The following FMNL2 variants were observed in gnomAD, a reference collection of about 807,000 sequenced individuals.
FMNL2 encodes formin-like protein 2.
In FMNL2, 51 loss-of-function variants were observed where a neutral mutation model predicts 130.2. The ratio of observed to expected loss-of-function variants is 0.39; its 90% CI spans 0.31 to 0.49. The LOEUF is 0.49. Ranked by LOEUF, FMNL2 falls within the 20% of genes least tolerant of loss-of-function variation. The pLI, the probability that FMNL2 is intolerant of heterozygous loss-of-function variation, is 0.85. For missense variants in FMNL2, 977 were observed against 1,316.2 expected, an observed-to-expected ratio of 0.74 and a Z score of 3.99; for synonymous variants, 465 against 467.1, an observed-to-expected ratio of 1.00 and a Z score of 0.06.
intron 1 of FMNL2, among the ~76,000 whole-genome samples, chr2:152,347,265 T>TG (rs111352110): frequency 0.017 from 2,651 of 152,222 alleles, 71 homozygotes; most frequent in African/African-American, 0.061. Context: ...ACACTTCATG[T>TG]GGAAGAGAGT....
chr2:152,365,338 T>C (rs967619430), intron 1 of FMNL2, among the ~76,000 whole-genome samples: 1 of 152,162 alleles, frequency 6.6e-6, no homozygotes, highest in African/African-American at 2.4e-5. Context: ...TTTGAAAGAC[T>C]GCATATAGTT....
At chr2:152,338,486 C>A (rs897601063) in intron 1 of FMNL2, among the ~76,000 whole-genome samples, 3 of 151,922 alleles carry the variant, frequency 2.0e-5, no homozygotes, top group Non-Finnish European at 4.4e-5. Flanking sequence ...ATGACTATAC[C>A]CTCCCTCCCC....
chr2:152,341,330 G>GT (rs1351696255), intron 1 of FMNL2, among the ~76,000 whole-genome samples: 1 of 152,146 alleles, frequency 6.6e-6, no homozygotes, highest in Admixed American at 6.6e-5. Flanking sequence ...AATAATACCA[G>GT]TAAAAACTGT....
chr2:152,359,560 G>A (rs1207553954), intron 1 of FMNL2, among the ~76,000 whole-genome samples: 1 of 151,166 alleles, frequency 6.6e-6, no homozygotes, highest in African/African-American at 2.4e-5. Context: ...TAAGTGTGGA[G>A]TTGATTTTTT....
chr2:152,625,283 G>A (rs2105916380), intron 15 of FMNL2, 155 bp from the exon 16 acceptor site: 1 of 776,710 alleles, frequency 1.3e-6, no homozygotes, highest in East Asian at 2.7e-5. Context: ...CCAAGGCCAT[G>A]TGTGTTGTTT....
rs1483012555 is a variant in FMNL2, at chr2:152,621,828, G to A, written c.1837+2110G>A. Reference sequence around the variant, plus strand: ...CCAAGAGGCCAGACAGAATCAGGATGCCCAGTAGAATGAAGAGACAGAGCT... The same window carrying A: ...CCAAGAGGCCAGACAGAATCAGGATACCCAGTAGAATGAAGAGACAGAGCT... On this transcript the variant is annotated intron_variant, in intron 15 of 25. Transcript: ENST00000288670. Among the ~76,000 whole-genome samples, 4 of 152,170 alleles carry A rather than the reference G, an allele frequency of 2.6e-5. No individual in the cohort carries two copies. The East Asian group carries it at 5.8e-4, about 22-fold the overall frequency.
intron 1 of FMNL2, among the ~76,000 whole-genome samples, chr2:152,469,946 A>G (rs1278090730): frequency 6.6e-6 from 1 of 152,180 alleles, no homozygotes; most frequent in Non-Finnish European, 1.5e-5. Flanking sequence ...GAAATAGTAC[A>G]TGAAACTGAA....
intron 25 of FMNL2, chr2:152,643,334 A>G: frequency 6.6e-7 from 1 of 1,518,426 alleles, no homozygotes; most frequent in East Asian, 2.5e-5. Flanking sequence ...TATGATTAAC[A>G]ATGCACTAAC....
intron 1 of FMNL2, among the ~76,000 whole-genome samples, chr2:152,497,440 A>G (rs1691575953): frequency 6.6e-6 from 1 of 152,164 alleles, no homozygotes; most frequent in Non-Finnish European, 1.5e-5. Flanking sequence ...TTTGATTAAA[A>G]TCATGTTGGT....
In FMNL2 at chr2:152,596,529, C is replaced by T. The variant is rs190091160; in HGVS notation, c.877-10810C>T. Among the ~76,000 whole-genome samples the T allele has an allele frequency of 9.9e-5, 15 of 152,222 alleles. No homozygotes were observed. The East Asian group carries it at 2.5e-3, about 25-fold the overall frequency. ...AATCCAGTAGTTTCCAACTTTTGGCCCCTGGAGCCCTTTTTATGCTCTTAA... is the reference window on the plus strand; with the variant it reads ...AATCCAGTAGTTTCCAACTTTTGGCTCCTGGAGCCCTTTTTATGCTCTTAA... On this transcript the variant is annotated intron_variant, in intron 9 of 25. Coordinates refer to ENST00000288670, the MANE Select transcript of FMNL2 (RefSeq NM_052905.4).
intron 1 of FMNL2, among the ~76,000 whole-genome samples, chr2:152,392,341 A>G (rs778978289): frequency 7.9e-5 from 12 of 151,982 alleles, no homozygotes; most frequent in Non-Finnish European, 1.8e-4. Flanking sequence ...GTGGGAATGC[A>G]TTTTTCATCT....
At chr2:152,392,029 A>G (rs1685143603) in intron 1 of FMNL2, among the ~76,000 whole-genome samples, 1 of 148,516 alleles carries the variant, frequency 6.7e-6, no homozygotes, top group African/African-American at 2.5e-5. Flanking sequence ...CCTCCTTGCT[A>G]TTTACAATAA....
intron 15 of FMNL2, among the ~76,000 whole-genome samples, chr2:152,624,284 A>G (rs1681616121): frequency 6.6e-6 from 1 of 150,774 alleles, no homozygotes; most frequent in Admixed American, 6.6e-5. Context: ...CAGCCTTCCG[A>G]GTAGCTAGGA....
At chr2:152,387,912 C>T (rs1365744245) in intron 1 of FMNL2, among the ~76,000 whole-genome samples, 1 of 151,904 alleles carries the variant, frequency 6.6e-6, no homozygotes, top group Non-Finnish European at 1.5e-5. Context: ...ACTCAACCTA[C>T]CGAAGCACTG....
At chr2:152,579,737 A>G (rs529069688) in intron 8 of FMNL2, among the ~76,000 whole-genome samples, 1 of 152,322 alleles carries the variant, frequency 6.6e-6, no homozygotes, top group East Asian at 1.9e-4. Flanking sequence ...ATAAAATTGT[A>G]TATGCAGATT....
intron 1 of FMNL2, among the ~76,000 whole-genome samples, chr2:152,421,023 G>A (rs1201742008): frequency 6.6e-6 from 1 of 152,164 alleles, no homozygotes; most frequent in African/African-American, 2.4e-5. Context: ...TGTATGTGGG[G>A]ACATTTTGGA....
chr2:152,415,327 G>A (rs947005678), intron 1 of FMNL2, among the ~76,000 whole-genome samples: 2 of 152,182 alleles, frequency 1.3e-5, no homozygotes, highest in Admixed American at 6.5e-5. Flanking sequence ...AGTTCACCAC[G>A]CAGCTCTGCT....
intron 12 of FMNL2, among the ~76,000 whole-genome samples, chr2:152,615,283 G>C (rs947103495): frequency 6.6e-6 from 1 of 152,050 alleles, no homozygotes; most frequent in African/African-American, 2.4e-5. Context: ...AGCAGAGTGG[G>C]GGTGTTTGAT....
chr2:152,355,184 T>G (rs1222243670), intron 1 of FMNL2, among the ~76,000 whole-genome samples: 3 of 152,208 alleles, frequency 2.0e-5, no homozygotes, highest in African/African-American at 7.2e-5. Context: ...GGCGGGGTGC[T>G]AGACGTTACT....
Sources: gnomAD v4.1 joint callset for allele counts (sites outside exome capture counted in the v4.1 genomes callset) on GRCh38, gnomAD v4.1.1 for gene constraint, MANE v1.5 for transcripts, NCBI Gene and HGNC (gene_info 2026-07-23, HGNC 2026-07-21) for gene names.